The following LRIG1 variants were observed in gnomAD, a reference collection of about 807,000 sequenced individuals.
LRIG1 encodes leucine-rich repeats and immunoglobulin-like domains protein 1.
In LRIG1, 48 loss-of-function variants were observed where a neutral mutation model predicts 99.2. That is an observed-to-expected ratio of 0.48 (90% confidence interval 0.38 to 0.62). The LOEUF (loss-of-function observed/expected upper bound fraction) is 0.62, where lower values mean the gene tolerates loss of function less well. LRIG1 is among the 20% of genes least tolerant of loss of function. The pLI is 0.00. For synonymous variants in LRIG1, 772 were observed against 596.1 expected (o/e 1.29, Z -4.30); for missense variants, 1,646 against 1,434.4 (o/e 1.15, Z -2.38).
chr3:66,500,513 C>T lies in LRIG1; in HGVS notation c.-106G>A, dbSNP rs1299022344. 3 of 550,040 alleles carry T rather than the reference C, an allele frequency of 5.5e-6. No homozygotes were observed. The highest frequency in any genetic ancestry group is 4.5e-5 in the Admixed American group (1 of 22,334). The allele number at this position is 550,040 out of a possible 1,614,324, so 34.1% of individuals were successfully genotyped here. A position where few individuals can be genotyped will look rare whatever the true frequency, so the allele number is the denominator to read the frequency against. On this transcript the variant is annotated 5_prime_UTR_variant, in exon 1 of 19. Transcript: ENST00000273261. ...GCGCTCCGCTCGGCTCTAGACTCCG[C>T]ACCGGGGCATGGCCCCCGCCCCAAG...
chr3:66,429,811 AG>A (rs1306748878), intron 3 of LRIG1, among the ~76,000 whole-genome samples: 1 of 149,224 alleles, frequency 6.7e-6, no homozygotes, highest in East Asian at 2.0e-4. Context: ...TGTGTGTGTG[AG>A]GGGGAGAGAG....
intron 6 of LRIG1, 83 bp downstream of exon 6, chr3:66,412,788 T>TGCATGCGCACAC: frequency 6.8e-7 from 1 of 1,477,520 alleles, no homozygotes; most frequent in Non-Finnish European, 9.3e-7. Context: ...GGTGCGCACA[T>TGCATGCGCACAC]GCATGCGCAC....
intron 3 of LRIG1, among the ~76,000 whole-genome samples, chr3:66,425,505 G>A (rs1156843115): frequency 1.3e-5 from 2 of 152,198 alleles, no homozygotes; most frequent in Admixed American, 1.3e-4. Context: ...ATCTGCCATC[G>A]AGGGAGGAAG....
chr3:66,464,390 A>G (rs1333565461), intron 1 of LRIG1, among the ~76,000 whole-genome samples: 1 of 152,080 alleles, frequency 6.6e-6, no homozygotes, highest in Non-Finnish European at 1.5e-5. Flanking sequence ...CCGCACACCT[A>G]AAGGGGCATT....
intron 3 of LRIG1, among the ~76,000 whole-genome samples, chr3:66,445,664 G>A (rs573206770): frequency 6.6e-6 from 1 of 152,220 alleles, no homozygotes; most frequent in Non-Finnish European, 1.5e-5. Flanking sequence ...AACATCACAT[G>A]GAAAAATGTT....
chr3:66,458,234 G>A (rs906758446), intron 2 of LRIG1, among the ~76,000 whole-genome samples: 2 of 152,090 alleles, frequency 1.3e-5, no homozygotes, highest in African/African-American at 4.8e-5. Flanking sequence ...TGAGGCCTCA[G>A]CCTCCCAAGA....
At chr3:66,495,558 A>T (rs923639241) in intron 1 of LRIG1, among the ~76,000 whole-genome samples, 7 of 152,362 alleles carry the variant, frequency 4.6e-5, no homozygotes, top group African/African-American at 1.7e-4. Flanking sequence ...TAAACAAACG[A>T]GGAAAAGAAG....
In LRIG1 at chr3:66,423,534, G is replaced by A. The variant is rs543091811; in HGVS notation, c.366-6268C>T. 2.4e-4 allele frequency among the ~76,000 whole-genome samples: 37 copies of A among 152,336 alleles called. 1 individual carries two copies. The East Asian group carries it at 4.8e-3, about 20-fold the overall frequency. ...TGTAGTGAGCCAAGATCACGCCACC[G>A]CACTCCAGCCTGGGCAACAAGAGCA... On this transcript the variant is annotated intron_variant, in intron 3 of 18. Coordinates refer to ENST00000273261, the MANE Select transcript of LRIG1 (RefSeq NM_015541.3).
chr3:66,477,415 G>C (rs1700747120), intron 1 of LRIG1, among the ~76,000 whole-genome samples: 1 of 152,162 alleles, frequency 6.6e-6, no homozygotes, highest in Non-Finnish European at 1.5e-5. Context: ...AAAAATACAG[G>C]ACAAGATGAT....
At chr3:66,434,709 T>G (rs1446599167) in intron 3 of LRIG1, among the ~76,000 whole-genome samples, 1 of 147,678 alleles carries the variant, frequency 6.8e-6, no homozygotes, top group Non-Finnish European at 1.5e-5. Context: ...ATCATGCCAC[T>G]GCACTCCAGC....
chr3:66,430,301 C>T (rs148122933), intron 3 of LRIG1, among the ~76,000 whole-genome samples: 31 of 152,302 alleles, frequency 2.0e-4, no homozygotes, highest in African/African-American at 6.7e-4. Context: ...GGGAAGCTGA[C>T]AGACCTATTT....
At chr3:66,417,999 T>C (rs1406721507) in intron 3 of LRIG1, among the ~76,000 whole-genome samples, 1 of 151,896 alleles carries the variant, frequency 6.6e-6, no homozygotes, top group Non-Finnish European at 1.5e-5. Context: ...TAAAACCACA[T>C]AAAGCATGTG....
chr3:66,484,343 T>C (rs561054972), intron 1 of LRIG1, among the ~76,000 whole-genome samples: 10 of 152,080 alleles, frequency 6.6e-5, no homozygotes, highest in African/African-American at 2.4e-4. Context: ...AATACAATGG[T>C]GGATTGGAAA....
At chr3:66,432,904 C>T (rs749921600) in intron 3 of LRIG1, among the ~76,000 whole-genome samples, 2 of 152,180 alleles carry the variant, frequency 1.3e-5, no homozygotes, top group East Asian at 3.8e-4. Context: ...AATGTCCTGT[C>T]GCAAGCCACT....
At chr3:66,405,911 C>A in intron 8 of LRIG1, 1 of 1,014,526 alleles carries the variant, frequency 9.9e-7, no homozygotes, top group African/African-American at 1.7e-5. Flanking sequence ...TCCAACAATG[C>A]AAATCCCATG....
At chr3:66,435,883 A>C (rs1020091035) in intron 3 of LRIG1, among the ~76,000 whole-genome samples, 1 of 152,176 alleles carries the variant, frequency 6.6e-6, no homozygotes, top group South Asian at 2.1e-4. Flanking sequence ...AATCAGATGG[A>C]AAGTCTGGGG....
At chr3:66,489,229 A>G (rs1701044698) in intron 1 of LRIG1, among the ~76,000 whole-genome samples, 2 of 152,220 alleles carry the variant, frequency 1.3e-5, no homozygotes, top group African/African-American at 4.8e-5. Context: ...TTCACTCAGA[A>G]GTAGCAAACA....
intron 6 of LRIG1, among the ~76,000 whole-genome samples, chr3:66,411,053 C>T (rs1232892399): frequency 1.3e-5 from 2 of 152,214 alleles, no homozygotes; most frequent in African/African-American, 4.8e-5. Flanking sequence ...AGAGCACTGA[C>T]TCCATGGGGT....
intron 7 of LRIG1, among the ~76,000 whole-genome samples, chr3:66,408,628 G>A (rs1400952329): frequency 6.6e-6 from 1 of 152,106 alleles, no homozygotes; most frequent in Non-Finnish European, 1.5e-5. Context: ...TTTAAGAATT[G>A]GACTGGCTCA....
Sources: gnomAD v4.1 joint callset for allele counts (sites outside exome capture counted in the v4.1 genomes callset) on GRCh38, gnomAD v4.1.1 for gene constraint, MANE v1.5 for transcripts, NCBI Gene and HGNC (gene_info 2026-07-23, HGNC 2026-07-21) for gene names.